LARS2: variants seen among roughly 807,000 people sequenced by gnomAD.
LARS2 encodes leucyl-tRNA synthetase 2, mitochondrial.
Under a neutral mutation model 116.6 loss-of-function variants are expected in LARS2, and 81 were observed. That is an observed-to-expected ratio of 0.69 (90% CI 0.58 to 0.84). The LOEUF is 0.84. LARS2 is among the 40% of genes least tolerant of loss of function. The pLI, the probability that LARS2 is intolerant of heterozygous loss-of-function variation, is 0.00. For synonymous variants in LARS2, 396 were observed against 407.2 expected (o/e 0.97, Z 0.33); for missense variants, 968 against 1,114.5 (o/e 0.87, Z 1.87).
intron 6 of LARS2, among the ~76,000 whole-genome samples, chr3:45,436,812 A>AG (rs1430159864): frequency 6.6e-6 from 1 of 151,774 alleles, no homozygotes; most frequent in African/African-American, 2.4e-5. Context: ...AAAAAAAAAA[A>AG]AAAAGAAAAG....
At chr3:45,496,745 A>G (rs1401887949) in intron 14 of LARS2, among the ~76,000 whole-genome samples, 3 of 152,262 alleles carry the variant, frequency 2.0e-5, no homozygotes, top group Non-Finnish European at 4.4e-5. Flanking sequence ...TGGGAGAGCA[A>G]CATGGGCTGG....
At chr3:45,426,948 C>G (rs1024639511) in intron 6 of LARS2, among the ~76,000 whole-genome samples, 1 of 152,176 alleles carries the variant, frequency 6.6e-6, no homozygotes, top group Non-Finnish European at 1.5e-5. Context: ...GAGACAGGAT[C>G]TTGGTTCGTC....
Position 45,425,786 on chromosome 3 carries a change from G to A in LARS2, c.516+6057G>A, listed in dbSNP as rs554945269. On this transcript the variant is annotated intron_variant, in intron 6 of 21. Coordinates refer to ENST00000645846, the MANE Select transcript of LARS2 (RefSeq NM_015340.4). Reference sequence around the variant, plus strand: ...ATGAAGTCTCTTGTCTGTCTTGCTTGCTTGCTTTCGTGTAATCACAATTCC... The same window carrying A: ...ATGAAGTCTCTTGTCTGTCTTGCTTACTTGCTTTCGTGTAATCACAATTCC... Among the ~76,000 whole-genome samples the A allele has an allele frequency of 2.0e-5, 3 of 152,228 alleles. No individual in the cohort carries two copies. The East Asian group carries it at 5.8e-4, about 29-fold the overall frequency.
intron 8 of LARS2, among the ~76,000 whole-genome samples, chr3:45,467,718 A>C (rs545550561): frequency 4.3e-4 from 65 of 152,368 alleles, no homozygotes; most frequent in African/African-American, 1.5e-3. Context: ...GATATAAAAC[A>C]AAATATTAAT....
chr3:45,391,334 A>C (rs1027301584), intron 1 of LARS2, among the ~76,000 whole-genome samples: 1 of 151,904 alleles, frequency 6.6e-6, no homozygotes, highest in Non-Finnish European at 1.5e-5. Context: ...AAATACAAAA[A>C]ATTAGCCGGG....
intron 6 of LARS2, 101 bp downstream of exon 6, chr3:45,419,830 G>A (rs1314128457): frequency 2.2e-6 from 2 of 922,868 alleles, no homozygotes; most frequent in African/African-American, 3.3e-5. Context: ...GCAAGGGTGG[G>A]AGGCAGGAAG....
intron 20 of LARS2, among the ~76,000 whole-genome samples, chr3:45,538,713 G>C (rs1471619591): frequency 6.6e-6 from 1 of 152,176 alleles, no homozygotes; most frequent in Non-Finnish European, 1.5e-5. Flanking sequence ...AGAGTGCCAG[G>C]TAGTAAAACA....
intron 3 of LARS2, among the ~76,000 whole-genome samples, chr3:45,398,651 A>C (rs1698090477): frequency 6.6e-6 from 1 of 152,154 alleles, no homozygotes; most frequent in Non-Finnish European, 1.5e-5. Context: ...GAGATGATTT[A>C]AACTTGGGTG....
intron 19 of LARS2, among the ~76,000 whole-genome samples, chr3:45,522,947 A>T (rs12630334): frequency 0.27 from 41,232 of 152,056 alleles, 5,889 homozygotes; most frequent in Middle Eastern, 0.4. Context: ...TATGGCAAGA[A>T]TACCAATCCT....
chr3:45,440,672 G>T (rs541177613), intron 6 of LARS2, among the ~76,000 whole-genome samples: 1 of 152,288 alleles, frequency 6.6e-6, no homozygotes, highest in Admixed American at 6.5e-5. Context: ...TGAATGAGCT[G>T]TTCTGAAATC....
chr3:45,400,464 A>G (rs1698127494), intron 4 of LARS2, 91 bp downstream of exon 4: 3 of 1,291,184 alleles, frequency 2.3e-6, no homozygotes, highest in Non-Finnish European at 2.1e-6. Flanking sequence ...GAAGAAAACC[A>G]ACTTTAGTTA....
At chr3:45,533,769 C>T (rs1188746399) in intron 20 of LARS2, among the ~76,000 whole-genome samples, 1 of 152,150 alleles carries the variant, frequency 6.6e-6, no homozygotes, top group Non-Finnish European at 1.5e-5. Context: ...TGTGGTTTGC[C>T]TCTATCAGTC....
chr3:45,464,211 AGAG>A (rs1699384423), intron 8 of LARS2, among the ~76,000 whole-genome samples: 1 of 152,170 alleles, frequency 6.6e-6, no homozygotes, highest in South Asian at 2.1e-4. Flanking sequence ...GCTGGAGGAA[AGAG>A]GAGGTGAGGG....
chr3:45,416,328 A>G (rs144237050), intron 4 of LARS2, among the ~76,000 whole-genome samples: 1 of 151,028 alleles, frequency 6.6e-6, no homozygotes, highest in East Asian at 2.0e-4. Flanking sequence ...GTATTGCCTC[A>G]ATCAGGGGAG....
intron 4 of LARS2, among the ~76,000 whole-genome samples, chr3:45,410,284 T>C (rs1698309002): frequency 6.6e-6 from 1 of 150,486 alleles, no homozygotes; most frequent in Non-Finnish European, 1.5e-5. Context: ...CTAGTAATAC[T>C]GCCCATATCC....
chr3:45,402,387 G>A (rs938918587), intron 4 of LARS2, among the ~76,000 whole-genome samples: 2 of 152,202 alleles, frequency 1.3e-5, no homozygotes, highest in African/African-American at 2.4e-5. Flanking sequence ...CATTGAGGGA[G>A]TATTTACGTC....
chr3:45,540,790 A>G (rs576476115), intron 20 of LARS2, among the ~76,000 whole-genome samples: 42 of 151,118 alleles, frequency 2.8e-4, no homozygotes, highest in African/African-American at 9.3e-4. Context: ...CTATCTATCT[A>G]TCTATCTATC....
Position 45,516,254 on chromosome 3 carries a change from G to A in LARS2, c.2022G>A (p.Lys674=). 6.2e-7 allele frequency: 1 copy of A among 1,614,000 alleles called. No individual in the cohort carries two copies. Among genetic ancestry groups the A allele is most frequent in the East Asian group, 2.2e-5 (1 of 44,888 alleles). ...LYILFAAPPE[K]DILWDVKTDA... ...TCCTTTTTGCTGCCCCTCCTGAGAA[G>A]GATATCTTGTGGGATGTGAAAAGTA... The change falls in exon 17 of 22, where the codon AAG becomes AAA. Residue 674 remains lysine, a synonymous_variant. Transcript: ENST00000645846.
chr3:45,487,958 C>T (rs1407123554), intron 11 of LARS2, among the ~76,000 whole-genome samples: 1 of 152,046 alleles, frequency 6.6e-6, no homozygotes, highest in Admixed American at 6.6e-5. Context: ...TTTTTGACTT[C>T]CTGACTGAGT....
Sources: gnomAD v4.1 joint callset for allele counts (sites outside exome capture counted in the v4.1 genomes callset) on GRCh38, gnomAD v4.1.1 for gene constraint, MANE v1.5 for transcripts, NCBI Gene and HGNC (gene_info 2026-07-23, HGNC 2026-07-21) for gene names.